The following CEP112 variants were observed in gnomAD, a reference collection of about 807,000 sequenced individuals.
CEP112 encodes centrosomal protein of 112 kDa.
Under a neutral mutation model 153.0 loss-of-function variants are expected in CEP112, and 127 were observed. The ratio of observed to expected loss-of-function variants is 0.83; its 90% CI spans 0.72 to 0.96. The LOEUF is 0.96. Ranked by LOEUF, CEP112 falls within the 40% of genes least tolerant of loss-of-function variation. The pLI, the probability that CEP112 is intolerant of heterozygous loss-of-function variation, is 0.00. For synonymous variants in CEP112, 358 were observed against 374.4 expected, an observed-to-expected ratio of 0.96 and a Z score of 0.51; for missense variants, 1,089 against 1,101.2, an observed-to-expected ratio of 0.99 and a Z score of 0.16.
chr17:66,021,841 C>T (rs2065011863), intron 16 of CEP112, among the ~76,000 whole-genome samples: 1 of 151,548 alleles, frequency 6.6e-6, no homozygotes, highest in Non-Finnish European at 1.5e-5. Flanking sequence ...TATTCCATGG[C>T]CCAGCCATTG....
At chr17:65,704,010 A>C (rs2048775743) in intron 23 of CEP112, among the ~76,000 whole-genome samples, 1 of 152,108 alleles carries the variant, frequency 6.6e-6, no homozygotes, top group East Asian at 1.9e-4. Context: ...ATTTGGAAAT[A>C]GGATCCTTGC....
intron 21 of CEP112, among the ~76,000 whole-genome samples, chr17:65,839,761 A>G (rs1441936769): frequency 6.6e-6 from 1 of 152,122 alleles, no homozygotes; most frequent in Non-Finnish European, 1.5e-5. Context: ...ATGATCATAT[A>G]TTAAGAAAAA....
intron 4 of CEP112, among the ~76,000 whole-genome samples, chr17:66,139,246 G>C (rs748417123): frequency 3.9e-5 from 6 of 152,046 alleles, no homozygotes; most frequent in Non-Finnish European, 8.8e-5. Context: ...TAAGAAAAAA[G>C]GAGAGAAGAC....
chr17:65,971,080 C>G (rs1168702320), intron 17 of CEP112, among the ~76,000 whole-genome samples: 1 of 152,146 alleles, frequency 6.6e-6, no homozygotes, highest in Non-Finnish European at 1.5e-5. Flanking sequence ...TGTCACATGT[C>G]TTACATGTAT....
At chr17:66,066,500 A>G (rs540326241) in intron 10 of CEP112, among the ~76,000 whole-genome samples, 1 of 152,212 alleles carries the variant, frequency 6.6e-6, no homozygotes, top group East Asian at 1.9e-4. Flanking sequence ...AGGGAGTGAA[A>G]GCAACATACT....
intron 17 of CEP112, among the ~76,000 whole-genome samples, chr17:65,978,154 G>A (rs1015240399): frequency 3.2e-4 from 49 of 152,266 alleles, no homozygotes; most frequent in African/African-American, 1.2e-3. Context: ...CCACCTGGGA[G>A]GCTGAGGCAG....
chr17:65,956,576 A>G (rs7218909), intron 18 of CEP112, among the ~76,000 whole-genome samples: 72,773 of 151,548 alleles, frequency 0.48, 18,464 homozygotes, highest in East Asian at 0.89. Context: ...TAAGGTATGA[A>G]GACACAAACA....
At chr17:66,152,895 G>T (rs996096859) in intron 4 of CEP112, among the ~76,000 whole-genome samples, 3 of 152,184 alleles carry the variant, frequency 2.0e-5, no homozygotes, top group African/African-American at 7.2e-5. Flanking sequence ...TTTCTTCAAA[G>T]AAGATATACA....
intron 17 of CEP112, among the ~76,000 whole-genome samples, chr17:65,963,834 A>G (rs1568300914): frequency 6.6e-6 from 1 of 152,172 alleles, no homozygotes; most frequent in Non-Finnish European, 1.5e-5. Context: ...CCTTGTGTCT[A>G]TTTATCTTTT....
intron 20 of CEP112, among the ~76,000 whole-genome samples, chr17:65,865,918 G>T (rs1026749611): frequency 6.6e-6 from 1 of 151,950 alleles, no homozygotes; most frequent in Non-Finnish European, 1.5e-5. Flanking sequence ...TGGGCCCAGG[G>T]CGGTGCTGCG....
chr17:65,692,644 C>T (rs953774724), intron 23 of CEP112, among the ~76,000 whole-genome samples: 6 of 152,130 alleles, frequency 3.9e-5, no homozygotes, highest in African/African-American at 7.2e-5. Flanking sequence ...AAGTCCCTAC[C>T]GCACCTACTC....
At chr17:65,842,971 C>T (rs1234375313) in intron 21 of CEP112, among the ~76,000 whole-genome samples, 1 of 151,892 alleles carries the variant, frequency 6.6e-6, no homozygotes, top group Non-Finnish European at 1.5e-5. Flanking sequence ...CAGCATCACA[C>T]ACTATACCCA....
In CEP112 at chr17:65,743,189, G is replaced by A; in HGVS notation, c.2486C>T (p.Ser829Phe). 6.2e-7 allele frequency: 1 copy of A among 1,611,382 alleles called. No individual in the cohort carries two copies. The highest frequency in any genetic ancestry group is 8.5e-7 in the Non-Finnish European group (1 of 1,179,158). Reference protein sequence around the residue: ...QIIAELQTTISSLKEENSQQQ... With the variant: ...QIIAELQTTIFSLKEENSQQQ... ...CTGGCTGTTCTCTTCTTTCAGAGAGGAAATGGTTGTCTGAAGTTCTGCTAT... is the reference window on the plus strand; with the variant it reads ...CTGGCTGTTCTCTTCTTTCAGAGAGAAAATGGTTGTCTGAAGTTCTGCTAT... Residue 829 changes from serine to phenylalanine, a missense_variant, in exon 23 of 27, where the codon TCC becomes TTC. Coordinates refer to ENST00000535342, the MANE Select transcript of CEP112 (RefSeq NM_001199165.4).
chr17:66,074,540 A>G (rs2067414670), intron 8 of CEP112, among the ~76,000 whole-genome samples: 2 of 152,114 alleles, frequency 1.3e-5, no homozygotes, highest in South Asian at 4.1e-4. Context: ...ACGCCTAGAA[A>G]CATCACAAAC....
intron 18 of CEP112, among the ~76,000 whole-genome samples, chr17:65,932,174 C>A (rs2061149689): frequency 6.6e-6 from 1 of 152,186 alleles, no homozygotes; most frequent in African/African-American, 2.4e-5. Context: ...CCCCTCGTAA[C>A]TAAAGAACCC....
intron 23 of CEP112, among the ~76,000 whole-genome samples, chr17:65,720,139 T>C (rs769130558): frequency 3.3e-5 from 5 of 152,122 alleles, no homozygotes; most frequent in Non-Finnish European, 7.4e-5. Flanking sequence ...ATGAACCGCA[T>C]TTGGGAACAC....
rs191007292 is a variant in CEP112, at chr17:65,971,233, G to T, written c.1737-9635C>A. 2.3e-3 allele frequency among the ~76,000 whole-genome samples: 347 copies of T among 152,138 alleles called. 4 individuals are homozygous for T. The East Asian group carries it at 0.062, about 27-fold the overall frequency. On this transcript the variant is annotated intron_variant, in intron 17 of 26. Transcript: ENST00000535342. ...TGTATATCACATGTATATTACATAC[G>T]TGCAAAACATGCACATCAAATGCGT... is the stretch of plus-strand genomic sequence containing the variant.
At position 66,122,743 on chromosome 17, in the gene CEP112, T is replaced by C. The variant is rs75744350; in HGVS notation, c.642+7003A>G. ...CTGGGTCATAAATTGCTCCATAGGCTGATCCAATTAAATTCAGGCAGGGGT... is the reference window on the plus strand; with the variant it reads ...CTGGGTCATAAATTGCTCCATAGGCCGATCCAATTAAATTCAGGCAGGGGT... On this transcript the variant is annotated intron_variant, in intron 6 of 26. Coordinates refer to ENST00000535342, the MANE Select transcript of CEP112 (RefSeq NM_001199165.4). Among the ~76,000 whole-genome samples the C allele has an allele frequency of 1.4e-3, 220 of 152,336 alleles. 1 individual carries two copies. The highest frequency in any genetic ancestry group is 5.0e-3 in the African/African-American group (210 of 41,590).
intron 24 of CEP112, among the ~76,000 whole-genome samples, chr17:65,647,177 T>TTG (rs1367557199): frequency 4.0e-5 from 6 of 150,322 alleles, no homozygotes; most frequent in African/African-American, 1.5e-4. Context: ...ATTCTTGTTT[T>TTG]TTTTTTTTTT....
Sources: allele counts gnomAD v4.1 joint callset (sites outside exome capture counted in the v4.1 genomes callset), GRCh38; gene constraint gnomAD v4.1.1; transcripts MANE v1.5; gene names NCBI Gene and HGNC (gene_info 2026-07-23, HGNC 2026-07-21).